Variants in CSTF3 observed in about 807,000 individuals in gnomAD.
The protein encoded by CSTF3 is cleavage stimulation factor subunit 3, also known as CF-1 77 kDa subunit.
Under a neutral mutation model 105.8 loss-of-function variants are expected in CSTF3, and 29 were observed. That is an observed-to-expected ratio of 0.27 (90% CI 0.20 to 0.37). CSTF3 has a LOEUF of 0.37. CSTF3 is among the 10% of genes least tolerant of loss of function. The probability of loss-of-function intolerance (pLI) is 1.00; values close to 1 mark genes in which losing one functional copy is unlikely to be tolerated. For synonymous variants in CSTF3, 252 were observed against 281.9 expected (o/e 0.89, Z 1.06); for missense variants, 357 against 879.3 (o/e 0.41, Z 7.51).
At chr11:33,153,284 A>G (rs1849812959) in intron 1 of CSTF3, among the ~76,000 whole-genome samples, 1 of 152,156 alleles carries the variant, frequency 6.6e-6, no homozygotes, top group Admixed American at 6.5e-5. Context: ...AAAAGGGAGG[A>G]AAGACCATTT....
In CSTF3 at chr11:33,105,604, A is replaced by G. The variant is rs762422604; in HGVS notation, c.548T>C (p.Ile183Thr). 1.9e-6 allele frequency: 3 copies of G among 1,613,762 alleles called. No homozygotes were observed. Among genetic ancestry groups the G allele is most frequent in the Admixed American group, 1.7e-5 (1 of 60,024 alleles). Residue 183 changes from isoleucine (I) to threonine (T), a missense_variant, in exon 8 of 21, where the codon ATT (isoleucine) becomes ACT (threonine). Transcript: ENST00000323959. ...GTTATAGTCTCTCCAGAGCTGTTCA[A>G]TGTTGATCATCGGATTAACACAACC... ...QRGCVNPMIN[I>T]EQLWRDYNKY... is the part of the protein sequence containing the mutation.
chr11:33,098,868 C>G (rs1391781596), intron 12 of CSTF3, 104 bp from the exon 13 acceptor site: 9 of 1,227,374 alleles, frequency 7.3e-6, no homozygotes, highest in Non-Finnish European at 1.0e-5. Context: ...CCAATGGCAT[C>G]TCCATTGAGC....
chr11:33,123,573 T>C (rs1282509078), intron 3 of CSTF3, among the ~76,000 whole-genome samples: 6 of 152,124 alleles, frequency 3.9e-5, no homozygotes, highest in Non-Finnish European at 7.4e-5. Context: ...TGCAGTACCG[T>C]CTGTAATAAT....
rs1434350394 is a variant in CSTF3, at chr11:33,134,647, A to ACC, written c.225+7019_225+7020insGG. Among the ~76,000 whole-genome samples, 47 of 150,442 alleles carry ACC rather than the reference A, an allele frequency of 3.1e-4. 1 individual carries two copies. Among genetic ancestry groups the ACC allele is most frequent in the Non-Finnish European group, 2.4e-4 (16 of 67,278 alleles). On this transcript the variant is annotated intron_variant, in intron 3 of 20. Coordinates refer to ENST00000323959, the MANE Select transcript of CSTF3 (RefSeq NM_001326.3). Reference sequence around the variant, plus strand: ...TACTTGGATTCTTAACTACAGCTGAAAAGACCATTCTAAAATTACCACTGG... The same window carrying ACC: ...TACTTGGATTCTTAACTACAGCTGAACCAAGACCATTCTAAAATTACCACTGG...
rs1855258201 is a variant in CSTF3 at position 33,099,490 on chromosome 11, A to C, written c.936+118T>G. 1 of 745,334 alleles carries C rather than the reference A, an allele frequency of 1.3e-6. No individual in the cohort carries two copies. The highest frequency in any genetic ancestry group is 1.8e-5 in the African/African-American group (1 of 54,838). The allele number at this position is 745,334 out of a possible 1,614,324, so 46.2% of individuals were successfully genotyped here. On this transcript the variant is annotated intron_variant, in intron 11 of 20. Coordinates refer to ENST00000323959, the MANE Select transcript of CSTF3 (RefSeq NM_001326.3). The surrounding 1 kb of genome is among the most constrained non-coding windows in gnomAD (Gnocchi z 4.1). ...GTGTCACTAAGATTCATATGAACGT[A>C]AACTTAAATTTTCAATACTTATGCT...
At position 33,110,361 on chromosome 11, in the gene CSTF3, G is replaced by A. The variant is rs574191499; in HGVS notation, c.226-1943C>T. Among the ~76,000 whole-genome samples, 10 of 152,288 alleles carry A rather than the reference G, an allele frequency of 6.6e-5. No individual in the cohort carries two copies. In the East Asian group the frequency reaches 7.7e-4, roughly 12 times the overall value. ...AGAGGCCAGGCTGATGTCAACATTCGTCTGGGGTAAAGACATTTGAGGGGT... is the reference window on the plus strand; with the variant it reads ...AGAGGCCAGGCTGATGTCAACATTCATCTGGGGTAAAGACATTTGAGGGGT... On this transcript the variant is annotated intron_variant, in intron 3 of 20. Transcript: ENST00000323959.
intron 8 of CSTF3, among the ~76,000 whole-genome samples, chr11:33,104,778 C>T (rs748208245): frequency 6.6e-6 from 1 of 152,024 alleles, no homozygotes; most frequent in African/African-American, 2.4e-5. Flanking sequence ...AAAATAAAAA[C>T]AAAAAATTCT....
intron 3 of CSTF3, among the ~76,000 whole-genome samples, chr11:33,114,848 CA>C (rs1203472446): frequency 9.8e-5 from 14 of 143,052 alleles, no homozygotes; most frequent in East Asian, 2.0e-4. Flanking sequence ...AACTCTGTCT[CA>C]AAAAAAAAAA....
intron 3 of CSTF3, among the ~76,000 whole-genome samples, chr11:33,131,008 C>T (rs1408520798): frequency 6.6e-6 from 1 of 152,092 alleles, no homozygotes; most frequent in East Asian, 1.9e-4. Context: ...CCAGCCTGGG[C>T]AACAGAGTGA....
intron 1 of CSTF3, chr11:33,144,918 G>A (rs760119329): frequency 4.3e-6 from 1 of 233,400 alleles, no homozygotes; most frequent in South Asian, 4.3e-5. Flanking sequence ...AGAAGTTGCA[G>A]GGAACTGAGA....
At chr11:33,105,484 A>G in intron 8 of CSTF3, 83 bp downstream of exon 8, 1 of 1,294,572 alleles carries the variant, frequency 7.7e-7, no homozygotes, top group South Asian at 1.5e-5. Flanking sequence ...ACTGATACAG[A>G]AAGGCTATAA....
intron 3 of CSTF3, among the ~76,000 whole-genome samples, chr11:33,127,621 T>C (rs1003746097): frequency 6.6e-6 from 1 of 152,090 alleles, no homozygotes; most frequent in Non-Finnish European, 1.5e-5. Context: ...TCTGCCAACG[T>C]TTTTGAGTTT....
At chr11:33,092,959 T>C (rs1855184141) in intron 15 of CSTF3, among the ~76,000 whole-genome samples, 1 of 152,234 alleles carries the variant, frequency 6.6e-6, no homozygotes, top group Non-Finnish European at 1.5e-5. Flanking sequence ...CACTTCTTGC[T>C]AAACTCTAAG....
chr11:33,107,822 C>A, intron 5 of CSTF3, 81 bp downstream of exon 5: 1 of 736,606 alleles, frequency 1.4e-6, no homozygotes, highest in South Asian at 1.9e-5. Context: ...CCACTTGGGG[C>A]TAACAGAAGG....
intron 1 of CSTF3, among the ~76,000 whole-genome samples, chr11:33,149,336 T>C (rs1855827865): frequency 6.6e-6 from 1 of 152,210 alleles, no homozygotes; most frequent in Non-Finnish European, 1.5e-5. Context: ...TAATTAACAA[T>C]GGAAGTTAAC....
chr11:33,155,131 C>T (rs1006532354), intron 1 of CSTF3, among the ~76,000 whole-genome samples: 10 of 151,672 alleles, frequency 6.6e-5, no homozygotes, highest in Non-Finnish European at 1.2e-4. Flanking sequence ...CCAAGGCGGG[C>T]GGATCATGAG....
intron 1 of CSTF3, among the ~76,000 whole-genome samples, chr11:33,152,543 C>A (rs551412786): frequency 1.3e-5 from 2 of 152,150 alleles, no homozygotes; most frequent in African/African-American, 4.8e-5. Flanking sequence ...CATGTTTAAC[C>A]GTCTGTTATG....
chr11:33,126,734 A>G (rs1319700268), intron 3 of CSTF3, among the ~76,000 whole-genome samples: 1 of 152,186 alleles, frequency 6.6e-6, no homozygotes, highest in Non-Finnish European at 1.5e-5. Context: ...TTCAACTTGT[A>G]AAATACAATT....
rs1189784274 is a variant in CSTF3 at position 33,102,172 on chromosome 11, G to A, written c.826+5C>T. The stretch of plus-strand genomic sequence containing the variant: ...CTGAAGTCCCATGAGGGTTAATCAT[G>A]TTACCTCTTTTTGTTATAAGGGTCT... On this transcript the variant is annotated splice_donor_5th_base_variant and intron_variant, in intron 10 of 20. Coordinates refer to ENST00000323959, the MANE Select transcript of CSTF3 (RefSeq NM_001326.3). 18 of 1,612,596 alleles carry A rather than the reference G, an allele frequency of 1.1e-5. No individual in the cohort carries two copies. The highest frequency in any genetic ancestry group is 8.9e-5 in the East Asian group (4 of 44,876).
Sources: allele counts gnomAD v4.1 joint callset (sites outside exome capture counted in the v4.1 genomes callset), GRCh38; gene constraint gnomAD v4.1.1; non-coding constraint Gnocchi (gnomAD v3.1); transcripts MANE v1.5; gene names NCBI Gene and HGNC (gene_info 2026-07-23, HGNC 2026-07-21).